Variants in HTR2C observed in about 807,000 individuals in gnomAD.
HTR2C encodes 5-hydroxytryptamine receptor 2C.
Under a neutral mutation model 21.0 loss-of-function variants are expected in HTR2C, and 5 were observed. The ratio of observed to expected loss-of-function variants is 0.24; its 90% CI spans 0.12 to 0.50. HTR2C has a LOEUF of 0.50. Among genes scored for constraint, HTR2C ranks in the 20% least tolerant of loss-of-function variants. HTR2C has a pLI of 0.98. For missense variants in HTR2C, 271 were observed against 371.2 expected (o/e 0.73, Z 2.22); for synonymous variants, 150 against 145.3 (o/e 1.03, Z -0.23).
intron 2 of HTR2C, among the ~76,000 whole-genome samples, chrX:114,619,167 G>A (rs782223883): frequency 2.7e-5 from 3 of 111,018 alleles, no homozygotes; most frequent in South Asian, 3.9e-4. Context: ...AAGAAACTGC[G>A]TCATCCTTGA....
At chrX:114,778,337 C>T (rs2070079863) in intron 4 of HTR2C, among the ~76,000 whole-genome samples, 1 of 111,504 alleles carries the variant, frequency 9.0e-6, no homozygotes, top group African/African-American at 3.3e-5. Context: ...AGGTTAAGCT[C>T]ATAAAGTATC....
At chrX:114,624,889 G>A (rs1309868611) in intron 2 of HTR2C, among the ~76,000 whole-genome samples, 3 of 111,798 alleles carry the variant, frequency 2.7e-5, no homozygotes, top group African/African-American at 9.8e-5. Flanking sequence ...AAAAAATGAA[G>A]AAAGGGCAAG....
At chrX:114,865,113 CTT>C (rs1281168206) in intron 5 of HTR2C, among the ~76,000 whole-genome samples, 2 of 110,319 alleles carry the variant, frequency 1.8e-5, no homozygotes, top group Non-Finnish European at 3.8e-5. Flanking sequence ...CAATAGCTGA[CTT>C]GTGTTCTGTC....
intron 2 of HTR2C, among the ~76,000 whole-genome samples, chrX:114,694,849 A>G (rs1217151207): frequency 1.8e-5 from 2 of 111,636 alleles, no homozygotes; most frequent in Non-Finnish European, 3.8e-5. Flanking sequence ...ATTTCTAACC[A>G]ATAATCTAAA....
chrX:114,662,787 G>A (rs1283640449), intron 2 of HTR2C, among the ~76,000 whole-genome samples: 1 of 111,135 alleles, frequency 9.0e-6, no homozygotes, highest in Non-Finnish European at 1.9e-5. Flanking sequence ...TCTATTTCAT[G>A]TTGTAAATAA....
chrX:114,727,395 G>T (rs2069493112), intron 3 of HTR2C, among the ~76,000 whole-genome samples: 1 of 111,618 alleles, frequency 9.0e-6, no homozygotes. Context: ...AGGGGATAGG[G>T]CTTGGCGATG....
intron 4 of HTR2C, among the ~76,000 whole-genome samples, chrX:114,753,773 CCT>C (rs1313988043): frequency 4.5e-5 from 5 of 111,700 alleles, no homozygotes; most frequent in Non-Finnish European, 9.4e-5. Flanking sequence ...AAATCAAAGA[CCT>C]AAATAAATCA....
At chrX:114,839,863 T>A (rs977363594) in intron 4 of HTR2C, among the ~76,000 whole-genome samples, 1 of 111,072 alleles carries the variant, frequency 9.0e-6, no homozygotes, top group Non-Finnish European at 1.9e-5. Flanking sequence ...AATCTCTAGA[T>A]GACATTTAAA....
At chrX:114,703,235 A>C (rs1221867946) in intron 2 of HTR2C, among the ~76,000 whole-genome samples, 2 of 107,164 alleles carry the variant, frequency 1.9e-5, no homozygotes, top group African/African-American at 6.7e-5. Context: ...AGAACTCTCC[A>C]CCCCAAATCA....
At chrX:114,780,450 A>C (rs1310239810) in intron 4 of HTR2C, among the ~76,000 whole-genome samples, 2 of 111,872 alleles carry the variant, frequency 1.8e-5, no homozygotes, top group African/African-American at 6.5e-5. Flanking sequence ...GCAGACAAGG[A>C]TTCAAATAGA....
intron 4 of HTR2C, among the ~76,000 whole-genome samples, chrX:114,765,660 A>T (rs2069940870): frequency 9.0e-6 from 1 of 111,579 alleles, no homozygotes. Flanking sequence ...ATGGCTCTAG[A>T]GACACAGAGT....
At chrX:114,782,743 CGTAA>C (rs1264246707) in intron 4 of HTR2C, among the ~76,000 whole-genome samples, 12 of 110,450 alleles carry the variant, frequency 1.1e-4, no homozygotes, top group African/African-American at 4.0e-4. Flanking sequence ...AAAATAGTGT[CGTAA>C]GTGAGTACAT....
At chrX:114,694,052 G>T (rs1932189954) in intron 2 of HTR2C, among the ~76,000 whole-genome samples, 1 of 111,416 alleles carries the variant, frequency 9.0e-6, no homozygotes, top group South Asian at 3.7e-4. Flanking sequence ...ACTTTACTAT[G>T]TTTTTCCTGA....
chrX:114,628,167 A>G (rs782743756), intron 2 of HTR2C, among the ~76,000 whole-genome samples: 15 of 111,876 alleles, frequency 1.3e-4, no homozygotes, highest in African/African-American at 4.2e-4. Context: ...TTTTAAAAGC[A>G]GTATTTAAAT....
At chrX:114,817,501 C>T (rs1222648442) in intron 4 of HTR2C, among the ~76,000 whole-genome samples, 2 of 112,038 alleles carry the variant, frequency 1.8e-5, no homozygotes, top group Non-Finnish European at 3.8e-5. Context: ...TGAAAATTAA[C>T]TAAATGCTTG....
At chrX:114,722,564 G>A (rs1244181695) in intron 2 of HTR2C, among the ~76,000 whole-genome samples, 1 of 109,912 alleles carries the variant, frequency 9.1e-6, no homozygotes, top group Non-Finnish European at 1.9e-5. Context: ...GAATAGGAGT[G>A]GTGAGAGAGG....
intron 4 of HTR2C, among the ~76,000 whole-genome samples, chrX:114,754,570 T>C (rs1165470220): frequency 9.0e-6 from 1 of 111,210 alleles, no homozygotes; most frequent in Non-Finnish European, 1.9e-5. Context: ...CCAAAGAAAA[T>C]GGTCCTCCAT....
At position 114,735,232 on chromosome X, in the gene HTR2C, G is replaced by A. The variant is rs1556424220; in HGVS notation, c.349+3625G>A. On this transcript the variant is annotated intron_variant, in intron 4 of 5. Coordinates refer to ENST00000276198, the MANE Select transcript of HTR2C (RefSeq NM_000868.4). ...CTTGGGAGACTGAGGCAGGAGAATC[G>A]CTTGAACCCAGGAGGCGGAGGTTGT... Among the ~76,000 whole-genome samples, 3 of 111,001 alleles carry A rather than the reference G, an allele frequency of 2.7e-5. No individual in the cohort carries two copies. The Admixed American group carries it at 2.9e-4, about 11-fold the overall frequency.
intron 4 of HTR2C, among the ~76,000 whole-genome samples, chrX:114,761,353 A>G (rs1202403455): frequency 3.6e-5 from 4 of 111,010 alleles, no homozygotes; most frequent in African/African-American, 1.3e-4. Flanking sequence ...TCAAAATATA[A>G]GATTATCTAT....
Sources: allele counts gnomAD v4.1 joint callset (sites outside exome capture counted in the v4.1 genomes callset), GRCh38; gene constraint gnomAD v4.1.1; transcripts MANE v1.5; gene names NCBI Gene and HGNC (gene_info 2026-07-23, HGNC 2026-07-21).